Variants in GLIS3 observed in about 807,000 individuals in gnomAD.
GLIS3 encodes the protein GLIS family zinc finger 3.
A neutral mutation model predicts 78.6 loss-of-function variants in GLIS3; 53 were observed. The ratio of observed to expected loss-of-function variants is 0.67; its 90% CI spans 0.54 to 0.85. The LOEUF (loss-of-function observed/expected upper bound fraction) is 0.85, where lower values mean the gene tolerates loss of function less well. Ranked by LOEUF, GLIS3 falls within the 40% of genes least tolerant of loss-of-function variation. GLIS3 has a pLI of 0.00. For missense variants in GLIS3, 1,703 were observed against 1,231.1 expected (o/e 1.38, Z -5.74); for synonymous variants, 684 against 509.9 (o/e 1.34, Z -4.60).
the GLIS3 span, among the ~76,000 whole-genome samples, chr9:4,473,768 C>T: frequency 1.1e-4 from 16 of 152,084 alleles, no homozygotes; most frequent in African/African-American, 3.6e-4. Context: ...TGCACATGCA[C>T]CCCTAAACTT....
chr9:4,154,233 A>C (rs1240226219), intron 2 of GLIS3, among the ~76,000 whole-genome samples: 1 of 152,164 alleles, frequency 6.6e-6, no homozygotes, highest in Non-Finnish European at 1.5e-5. Context: ...TGCAAATTCA[A>C]GGGGGTAGAG....
intron 2 of GLIS3, among the ~76,000 whole-genome samples, chr9:4,338,273 CAG>C (rs1171045248): frequency 1.3e-5 from 2 of 151,986 alleles, no homozygotes; most frequent in Non-Finnish European, 2.9e-5. Context: ...ACACAGCTTT[CAG>C]GTCTTTCTGT....
intron 8 of GLIS3, among the ~76,000 whole-genome samples, chr9:3,865,987 G>C (rs10973916): frequency 0.04 from 6,063 of 152,274 alleles, 166 homozygotes; most frequent in Middle Eastern, 0.078. Flanking sequence ...CACAGAAACT[G>C]ACGTCAGTGT....
At chr9:4,158,343 AG>A (rs1835197823) in intron 2 of GLIS3, among the ~76,000 whole-genome samples, 1 of 152,212 alleles carries the variant, frequency 6.6e-6, no homozygotes. Context: ...AAGAGGGCAG[AG>A]GTCACAGTTA....
At position 3,922,492 on chromosome 9, in the gene GLIS3, T is replaced by A. The variant is rs558039844; in HGVS notation, c.1983+9868A>T. Among the ~76,000 whole-genome samples, 28 of 152,308 alleles carry A rather than the reference T, an allele frequency of 1.8e-4. 1 individual carries two copies. Among genetic ancestry groups the A allele is most frequent in the African/African-American group, 4.6e-4 (19 of 41,588 alleles). On this transcript the variant is annotated intron_variant, in intron 6 of 10. Transcript: ENST00000381971. The stretch of plus-strand genomic sequence containing the variant: ...ACACAGATAGGCATCGCTTATGTAA[T>A]TTTAAAAAGAAGAATGGACTCTGAA...
intron 2 of GLIS3, among the ~76,000 whole-genome samples, chr9:4,216,406 AAAGGCGGAGCTTGCAGT>A (rs1345090596): frequency 7.9e-5 from 11 of 139,458 alleles, no homozygotes; most frequent in Middle Eastern, 4.0e-3. Flanking sequence ...TTGCAGTGAG[AAAGGCGGAGCTTGCAGT>A]AAGCTGAGAT....
At chr9:4,051,248 C>G (rs144071632) in intron 4 of GLIS3, among the ~76,000 whole-genome samples, 1 of 152,250 alleles carries the variant, frequency 6.6e-6, no homozygotes, top group East Asian at 1.9e-4. Context: ...CATTCAATTG[C>G]TTATTTCGAA....
the GLIS3 span, among the ~76,000 whole-genome samples, chr9:4,472,828 TATA>T: frequency 3.9e-5 from 6 of 152,184 alleles, no homozygotes; most frequent in Non-Finnish European, 7.3e-5. Flanking sequence ...AGAAATTATA[TATA>T]ATTATTGATA....
the GLIS3 span, among the ~76,000 whole-genome samples, chr9:4,468,755 C>A: frequency 6.6e-6 from 1 of 152,158 alleles, no homozygotes; most frequent in African/African-American, 2.4e-5. Flanking sequence ...CAGCTAACAT[C>A]ATAATGACAG....
chr9:4,189,929 G>C lies in GLIS3; in HGVS notation c.389-63988C>G, dbSNP rs7035857. 9.7e-3 allele frequency among the ~76,000 whole-genome samples: 1,470 copies of C among 152,104 alleles called. 24 individuals are homozygous for C. Among genetic ancestry groups the C allele is most frequent in the African/African-American group, 0.034 (1,397 of 41,462 alleles). On this transcript the variant is annotated intron_variant, in intron 2 of 10. Transcript: ENST00000381971. ...CTGATACCCAGGCAAACAGCGTCTG[G>C]AGTGGACCTCTAGCAAACTCCAAGA...
the GLIS3 span, among the ~76,000 whole-genome samples, chr9:4,366,174 T>C: frequency 6.6e-6 from 1 of 152,330 alleles, no homozygotes; most frequent in African/African-American, 2.4e-5. Flanking sequence ...CCGTCCTTAA[T>C]TTGGTCTATC....
intron 2 of GLIS3, among the ~76,000 whole-genome samples, chr9:4,145,772 T>TTCTCTCCCTC: frequency 6.6e-6 from 1 of 151,700 alleles, no homozygotes; most frequent in South Asian, 2.1e-4. Context: ...CTTTCTCCCT[T>TTCTCTCCCTC]TCTCTCCCTC....
intron 2 of GLIS3, among the ~76,000 whole-genome samples, chr9:4,156,823 T>C (rs1031165692): frequency 7.2e-5 from 11 of 152,124 alleles, no homozygotes; most frequent in Admixed American, 3.3e-4. Context: ...AGAGTGTCTC[T>C]GAAAAAAAAA....
rs564338132 is a variant in GLIS3, at chr9:4,322,725, G to C, written n.265-12197C>G. Among the ~76,000 whole-genome samples, 6 of 152,240 alleles carry C rather than the reference G, an allele frequency of 3.9e-5. No individual in the cohort carries two copies. In the South Asian group the frequency reaches 8.3e-4, roughly 21 times the overall value. On this transcript the variant is annotated intron_variant and non_coding_transcript_variant, in intron 2 of 4. Transcript: ENST00000471664. Reference sequence around the variant, plus strand: ...AAAAGTCTTCTTTTGAAAAGTGTCTGCTCTTATACTTTGCCCACTTTTTGA... The same window carrying C: ...AAAAGTCTTCTTTTGAAAAGTGTCTCCTCTTATACTTTGCCCACTTTTTGA...
chr9:4,431,026 T>A, the GLIS3 span, among the ~76,000 whole-genome samples: 1 of 152,236 alleles, frequency 6.6e-6, no homozygotes, highest in Admixed American at 6.5e-5. Flanking sequence ...TTTCTCAATC[T>A]TTCCTTCCTC....
chr9:4,392,529 G>A, the GLIS3 span, among the ~76,000 whole-genome samples: 6 of 152,162 alleles, frequency 3.9e-5, no homozygotes, highest in Admixed American at 2.6e-4. Context: ...AAGGGAGATT[G>A]AAGTCAATTA....
At chr9:4,389,015 A>G in the GLIS3 span, among the ~76,000 whole-genome samples, 1 of 152,178 alleles carries the variant, frequency 6.6e-6, no homozygotes, top group Non-Finnish European at 1.5e-5. Context: ...TTCTATATAC[A>G]AAATCAAAGC....
the GLIS3 span, among the ~76,000 whole-genome samples, chr9:4,354,865 C>G: frequency 4.6e-5 from 7 of 152,038 alleles, no homozygotes; most frequent in Non-Finnish European, 8.8e-5. Context: ...GCCTGTAATC[C>G]CAACACTTTG....
chr9:4,349,803 A>T (rs1341869693), upstream of GLIS3, among the ~76,000 whole-genome samples: 1 of 152,256 alleles, frequency 6.6e-6, no homozygotes, highest in Non-Finnish European at 1.5e-5. Context: ...ACCTAAATTC[A>T]TGGTGGCAAG....
Sources: allele counts gnomAD v4.1 joint callset (sites outside exome capture counted in the v4.1 genomes callset), GRCh38; gene constraint gnomAD v4.1.1; transcripts MANE v1.5; gene names NCBI Gene and HGNC (gene_info 2026-07-23, HGNC 2026-07-21).